The following STK33 variants were observed in gnomAD, a reference collection of about 807,000 sequenced individuals.
STK33 encodes serine/threonine-protein kinase 33.
A neutral mutation model predicts 58.0 loss-of-function variants in STK33; 52 were observed. That is an observed-to-expected ratio of 0.90 (90% CI 0.72 to 1.13). STK33 has a LOEUF of 1.13. Ranked by LOEUF, STK33 falls within the 50% of genes most tolerant of loss-of-function variation. The pLI, the probability that STK33 is intolerant of heterozygous loss-of-function variation, is 0.00. For missense variants in STK33, 630 were observed against 604.2 expected, an observed-to-expected ratio of 1.04 and a Z score of -0.45; for synonymous variants, 215 against 200.1, an observed-to-expected ratio of 1.07 and a Z score of -0.63.
At position 8,413,691 on chromosome 11, in the gene STK33, C is replaced by T. The variant is rs747954934; in HGVS notation, c.1148G>A (p.Gly383Asp). 6.2e-7 allele frequency: 1 copy of T among 1,612,286 alleles called. No individual in the cohort carries two copies. Among genetic ancestry groups the T allele is most frequent in the Admixed American group, 1.7e-5 (1 of 59,736 alleles). The change falls in exon 15 of 16, where the codon GGC (glycine) becomes GAC (aspartate). Residue 383 changes from glycine to aspartate, a missense_variant and splice_region_variant. Gly to Asp is a moderately conservative substitution (Grantham distance 94). Transcript: ENST00000687296. ...KELLDNQWLTGNKLSSVRPTN... is the reference protein window; with the variant it reads ...KELLDNQWLTDNKLSSVRPTN... The stretch of plus-strand genomic sequence containing the variant: ...TGGTCTCACCGAAGAAAGTTTATTG[C>T]CCTAATATTAACAATCAATTTTTGG...
intron 7 of STK33, among the ~76,000 whole-genome samples, chr11:8,462,645 T>C (rs1947706337): frequency 6.6e-6 from 1 of 150,434 alleles, no homozygotes; most frequent in Admixed American, 6.6e-5. Flanking sequence ...GAGAGAGAGA[T>C]CTTGCCTTCA....
the STK33 span, among the ~76,000 whole-genome samples, chr11:8,379,448 GA>G: frequency 1.3e-5 from 2 of 151,702 alleles, no homozygotes; most frequent in African/African-American, 4.8e-5. Flanking sequence ...AGATTAGCAA[GA>G]AAAAAACAAA....
chr11:8,481,844 C>T (rs11041945), intron 1 of STK33, among the ~76,000 whole-genome samples: 2 of 151,914 alleles, frequency 1.3e-5, no homozygotes, highest in Admixed American at 6.6e-5. Flanking sequence ...TATTGTCAAA[C>T]CCAAGGGCTT....
intron 1 of STK33, among the ~76,000 whole-genome samples, chr11:8,502,081 A>AG (rs397745201): frequency 1.3e-5 from 2 of 151,542 alleles, no homozygotes; most frequent in Non-Finnish European, 2.9e-5. Flanking sequence ...AATGTTCTCA[A>AG]TTACATAGTG....
intron 6 of STK33, among the ~76,000 whole-genome samples, chr11:8,470,327 T>A (rs1948656428): frequency 6.6e-6 from 1 of 152,178 alleles, no homozygotes; most frequent in South Asian, 2.1e-4. Context: ...CTTCAAGCTT[T>A]TCTCCTACAA....
At chr11:8,364,193 T>C in the STK33 span, among the ~76,000 whole-genome samples, 1 of 152,246 alleles carries the variant, frequency 6.6e-6, no homozygotes, top group Non-Finnish European at 1.5e-5. Flanking sequence ...CTGCTGCACA[T>C]GTGGAGCCAA....
chr11:8,349,348 C>T, the STK33 span, among the ~76,000 whole-genome samples: 95 of 152,244 alleles, frequency 6.2e-4, no homozygotes, highest in African/African-American at 2.3e-3. Context: ...CCCTTTGTGC[C>T]CTGAAGCCTT....
chr11:8,378,210 G>C, the STK33 span, among the ~76,000 whole-genome samples: 1 of 152,238 alleles, frequency 6.6e-6, no homozygotes, highest in East Asian at 1.9e-4. Context: ...GAGAAGTTCA[G>C]AGCGAAGTGG....
intron 1 of STK33, among the ~76,000 whole-genome samples, chr11:8,563,859 A>C (rs1957273695): frequency 6.6e-6 from 1 of 152,216 alleles, no homozygotes; most frequent in African/African-American, 2.4e-5. Flanking sequence ...TGAGGAATGC[A>C]TTCCAAAAAG....
chr11:8,582,561 G>A lies in STK33; in HGVS notation c.-466+11522C>T, dbSNP rs10840078. Among the ~76,000 whole-genome samples, 9 of 152,192 alleles carry A rather than the reference G, an allele frequency of 5.9e-5. No homozygotes were observed. The Middle Eastern group carries it at 0.024, about 403-fold the overall frequency. ...CTCATGAGAATTCACTCAGTCTCACGAGAACAGCATCAGGGAAACTGTCAC... is the reference window on the plus strand; with the variant it reads ...CTCATGAGAATTCACTCAGTCTCACAAGAACAGCATCAGGGAAACTGTCAC... On this transcript the variant is annotated intron_variant, in intron 1 of 15. Transcript: ENST00000687296.
chr11:8,579,157 A>G (rs1195881905), intron 1 of STK33, among the ~76,000 whole-genome samples: 3 of 152,018 alleles, frequency 2.0e-5, no homozygotes, highest in Non-Finnish European at 4.4e-5. Flanking sequence ...TTTTATAGCC[A>G]CTAGAGATTG....
chr11:8,478,489 A>C (rs1475069914), intron 2 of STK33, among the ~76,000 whole-genome samples: 1 of 152,222 alleles, frequency 6.6e-6, no homozygotes, highest in Non-Finnish European at 1.5e-5. Context: ...GAACTAAGGC[A>C]AGTCAATAAA....
the STK33 span, among the ~76,000 whole-genome samples, chr11:8,378,321 C>T: frequency 6.6e-6 from 1 of 152,162 alleles, no homozygotes; most frequent in South Asian, 2.1e-4. Context: ...GAGTTTGAGA[C>T]CAGCCTGACC....
intron 1 of STK33, among the ~76,000 whole-genome samples, chr11:8,493,132 C>A (rs986876092): frequency 1.3e-5 from 2 of 151,906 alleles, no homozygotes; most frequent in African/African-American, 2.4e-5. Flanking sequence ...ACACAAAAAA[C>A]CCTTCAAAAA....
intron 6 of STK33, chr11:8,466,705 G>A (rs1948227621): frequency 6.6e-6 from 1 of 152,288 alleles, no homozygotes; most frequent in African/African-American, 2.4e-5. Context: ...ACTAGGCAGT[G>A]CCCCAGTAGG....
the STK33 span, among the ~76,000 whole-genome samples, chr11:8,373,486 A>G: frequency 6.6e-6 from 1 of 152,244 alleles, no homozygotes; most frequent in South Asian, 2.1e-4. Flanking sequence ...GAGGAAGACG[A>G]TGAGGGTGCT....
At chr11:8,551,433 T>A (rs1956293187) in intron 1 of STK33, among the ~76,000 whole-genome samples, 1 of 152,184 alleles carries the variant, frequency 6.6e-6, no homozygotes, top group Non-Finnish European at 1.5e-5. Flanking sequence ...CCTGGCCTTA[T>A]TCTGAATTCT....
At chr11:8,350,632 G>A in the STK33 span, among the ~76,000 whole-genome samples, 1 of 152,148 alleles carries the variant, frequency 6.6e-6, no homozygotes, top group Non-Finnish European at 1.5e-5. Flanking sequence ...CAGGGAGAGA[G>A]GGATAGGCAG....
At chr11:8,371,658 CTT>C in the STK33 span, among the ~76,000 whole-genome samples, 1,353 of 146,510 alleles carry the variant, frequency 9.2e-3, 16 homozygotes, top group African/African-American at 0.025. Flanking sequence ...CTTTTCTTTT[CTT>C]TCTTTCCTTT....
Sources: allele counts gnomAD v4.1 joint callset (sites outside exome capture counted in the v4.1 genomes callset), GRCh38; gene constraint gnomAD v4.1.1; transcripts MANE v1.5; gene names NCBI Gene and HGNC (gene_info 2026-07-23, HGNC 2026-07-21).